DLGAP2: variants seen among roughly 807,000 people sequenced by gnomAD.
DLGAP2 encodes the protein disks large-associated protein 2.
In DLGAP2, 26 loss-of-function variants were observed where a neutral mutation model predicts 100.3. The observed-to-expected ratio is 0.26, with a 90% CI of 0.19 to 0.36. DLGAP2 has a LOEUF of 0.36. DLGAP2 is among the 10% of genes least tolerant of loss of function. The pLI, the probability that DLGAP2 is intolerant of heterozygous loss-of-function variation, is 1.00. For missense variants in DLGAP2, 1,858 were observed against 1,453.2 expected, an observed-to-expected ratio of 1.28 and a Z score of -4.53; for synonymous variants, 886 against 630.1, an observed-to-expected ratio of 1.41 and a Z score of -6.08.
chr8:804,473 C>T (rs1428950380), intron 1 of DLGAP2, among the ~76,000 whole-genome samples: 2 of 152,188 alleles, frequency 1.3e-5, no homozygotes, highest in Non-Finnish European at 2.9e-5. Context: ...GTGACCGATT[C>T]TCCGGCCTTG....
chr8:1,176,574 T>A (rs574478212), intron 2 of DLGAP2, among the ~76,000 whole-genome samples: 1 of 136,636 alleles, frequency 7.3e-6, no homozygotes, highest in African/African-American at 2.8e-5. Context: ...CATGCTCAGG[T>A]CCCACCCATC....
chr8:1,194,681 C>T (rs565639069), intron 2 of DLGAP2, among the ~76,000 whole-genome samples: 79 of 152,334 alleles, frequency 5.2e-4, no homozygotes, highest in African/African-American at 1.8e-3. Flanking sequence ...CACCTGACCA[C>T]AGGGTCGTCC....
At chr8:1,556,507 G>A (rs1210938881) in intron 5 of DLGAP2, among the ~76,000 whole-genome samples, 1 of 152,210 alleles carries the variant, frequency 6.6e-6, no homozygotes, top group African/African-American at 2.4e-5. Context: ...CCCCAGGCTT[G>A]TCTGTTCCCG....
chr8:1,490,574 G>C (rs1295904441), intron 3 of DLGAP2, among the ~76,000 whole-genome samples: 2 of 152,216 alleles, frequency 1.3e-5, no homozygotes, highest in African/African-American at 2.4e-5. Flanking sequence ...CACAGAGGTG[G>C]CGCAGCCCTG....
At chr8:848,928 C>T (rs369272030) in intron 1 of DLGAP2, among the ~76,000 whole-genome samples, 36 of 146,974 alleles carry the variant, frequency 2.4e-4, no homozygotes, top group Non-Finnish European at 4.3e-4. Flanking sequence ...ACGCGCGGTG[C>T]CTGTTCCAGC....
At chr8:1,372,155 G>T (rs1484462103) in intron 3 of DLGAP2, among the ~76,000 whole-genome samples, 3 of 152,162 alleles carry the variant, frequency 2.0e-5, no homozygotes, top group Non-Finnish European at 2.9e-5. Context: ...TGATAGGGTG[G>T]GTGGGGCGCA....
At chr8:802,845 C>A (rs891242573) in intron 1 of DLGAP2, among the ~76,000 whole-genome samples, 3 of 152,118 alleles carry the variant, frequency 2.0e-5, no homozygotes, top group African/African-American at 7.2e-5. Context: ...TGAATGGGAG[C>A]GAACTCGTTT....
At chr8:1,223,006 C>T (rs923736974) in intron 2 of DLGAP2, among the ~76,000 whole-genome samples, 2 of 152,162 alleles carry the variant, frequency 1.3e-5, no homozygotes, top group African/African-American at 4.8e-5. Flanking sequence ...CAGCCGTTCC[C>T]ACACCAAATC....
intron 3 of DLGAP2, among the ~76,000 whole-genome samples, chr8:1,490,008 C>G (rs920548037): frequency 6.6e-6 from 1 of 152,174 alleles, no homozygotes; most frequent in East Asian, 1.9e-4. Flanking sequence ...TCTCCTGCCT[C>G]AGCCTCCCGA....
intron 2 of DLGAP2, among the ~76,000 whole-genome samples, chr8:962,019 T>A (rs1452336119): frequency 6.6e-6 from 1 of 152,234 alleles, no homozygotes; most frequent in Non-Finnish European, 1.5e-5. Flanking sequence ...TTTCAGGCTA[T>A]AGTAGTTAGA....
intron 6 of DLGAP2, among the ~76,000 whole-genome samples, chr8:1,590,189 TCTCAA>T (rs1796249211): frequency 6.6e-6 from 1 of 152,154 alleles, no homozygotes; most frequent in Admixed American, 6.5e-5. Flanking sequence ...GGTGACCTCA[TCTCAA>T]CTCATTTCGT....
intron 1 of DLGAP2, among the ~76,000 whole-genome samples, chr8:841,993 C>G (rs1414033855): frequency 3.3e-5 from 5 of 152,248 alleles, no homozygotes. Context: ...TGGACACTGC[C>G]ACCAGTGTGA....
At chr8:857,045 G>C (rs1294395451) in intron 1 of DLGAP2, among the ~76,000 whole-genome samples, 4 of 152,220 alleles carry the variant, frequency 2.6e-5, no homozygotes, top group African/African-American at 9.6e-5. Flanking sequence ...GAACAGAACA[G>C]AGGGTCCAGA....
At chr8:1,460,106 A>G (rs947242496) in intron 3 of DLGAP2, among the ~76,000 whole-genome samples, 1 of 152,236 alleles carries the variant, frequency 6.6e-6, no homozygotes. Flanking sequence ...GGACGCTGGC[A>G]TGTGGCCGGA....
chr8:1,443,805 A>T (rs1797907250), intron 3 of DLGAP2, among the ~76,000 whole-genome samples: 1 of 152,190 alleles, frequency 6.6e-6, no homozygotes, highest in Non-Finnish European at 1.5e-5. Flanking sequence ...ACACGTGGGG[A>T]TTATTACAAT....
chr8:1,565,696 A>C lies in DLGAP2; in HGVS notation c.1244A>C (p.Glu415Ala). The change falls in exon 6 of 15, where the codon GAG becomes GCG. Residue 415 changes from glutamate to alanine, a missense_variant. By Grantham distance (107) the Glu-to-Ala change is moderately radical. Coordinates refer to ENST00000637795, the MANE Select transcript of DLGAP2 (RefSeq NM_001346810.2). ...GTCTGCTCCCAGGTACCTCAGGATGAGTGGGGAGGGTACCCCACCGGTGGC... is the reference window on the plus strand; with the variant it reads ...GTCTGCTCCCAGGTACCTCAGGATGCGTGGGGAGGGTACCCCACCGGTGGC... The part of the protein sequence containing the change: ...PCHYLQVPQD[E>A]WGGYPTGGKD... 6.2e-7 allele frequency: 1 copy of C among 1,612,736 alleles called. No individual in the cohort carries two copies.
intron 4 of DLGAP2, among the ~76,000 whole-genome samples, chr8:1,509,835 T>C (rs1435178519): frequency 2.0e-5 from 3 of 152,202 alleles, no homozygotes; most frequent in Non-Finnish European, 2.9e-5. Context: ...ATTAGTATCA[T>C]TGTCATCATT....
chr8:1,652,027 TTC>T (rs1289266422), intron 8 of DLGAP2, among the ~76,000 whole-genome samples: 2 of 152,356 alleles, frequency 1.3e-5, no homozygotes, highest in East Asian at 3.9e-4. Context: ...CAGTGAGGCT[TTC>T]TCTTTTTCCT....
chr8:1,657,950 GAAA>G (rs1798320896), intron 8 of DLGAP2, among the ~76,000 whole-genome samples: 1 of 152,096 alleles, frequency 6.6e-6, no homozygotes, highest in Non-Finnish European at 1.5e-5. Flanking sequence ...AAGTGAGAGA[GAAA>G]AGACTTCCTT....
Sources: allele counts gnomAD v4.1 joint callset (sites outside exome capture counted in the v4.1 genomes callset), GRCh38; gene constraint gnomAD v4.1.1; transcripts MANE v1.5; gene names NCBI Gene and HGNC (gene_info 2026-07-23, HGNC 2026-07-21).